The following TMEM131L variants were observed in gnomAD, a reference collection of about 807,000 sequenced individuals.
TMEM131L encodes transmembrane protein 131-like.
Under a neutral mutation model 192.2 loss-of-function variants are expected in TMEM131L, and 54 were observed. That is an observed-to-expected ratio of 0.28 (90% CI 0.23 to 0.35). The LOEUF is 0.35. TMEM131L is among the 10% of genes least tolerant of loss of function. The pLI is 1.00. For synonymous variants in TMEM131L, 701 were observed against 704.9 expected (o/e 0.99, Z 0.09); for missense variants, 1,888 against 1,972.9 (o/e 0.96, Z 0.82).
rs376598929 is a variant in TMEM131L at position 153,596,258 on chromosome 4, G to A, written c.1996G>A (p.Gly666Ser). ...CATGGTTTAATTTGTTAATTTGCAG[G>A]GTACGCATTCTGAGGAATCCAGGTT... is the stretch of plus-strand genomic sequence containing the variant. ...FQLTEACPYLGTHSEESRFGI... is the reference protein window; with the variant it reads ...FQLTEACPYLSTHSEESRFGI... The change falls in exon 20 of 35, where the codon GGT (glycine) becomes AGT (serine). Residue 666 changes from glycine to serine, a missense_variant and splice_region_variant. Gly to Ser is a moderately conservative substitution (Grantham distance 56). Coordinates refer to ENST00000409959, the MANE Select transcript of TMEM131L (RefSeq NM_001131007.2). 60 of 1,613,538 alleles carry A rather than the reference G, an allele frequency of 3.7e-5. No homozygotes were observed. In the African/African-American group the frequency reaches 6.4e-4, roughly 17 times the overall value.
intron 15 of TMEM131L, among the ~76,000 whole-genome samples, chr4:153,588,337 G>GTTTT (rs35057989): frequency 5.7e-5 from 7 of 122,638 alleles, no homozygotes; most frequent in African/African-American, 2.2e-4. Flanking sequence ...TTAAAGTATA[G>GTTTT]TTTTTTTTTT....
intron 3 of TMEM131L, among the ~76,000 whole-genome samples, chr4:153,548,411 T>C (rs1002952956): frequency 2.0e-5 from 3 of 152,168 alleles, no homozygotes; most frequent in Admixed American, 1.3e-4. Flanking sequence ...TTCATGCTAT[T>C]CTCCTGCCTC....
intron 2 of TMEM131L, among the ~76,000 whole-genome samples, chr4:153,471,769 T>A (rs1731177550): frequency 6.6e-6 from 1 of 152,210 alleles, no homozygotes; most frequent in African/African-American, 2.4e-5. Flanking sequence ...AGTGCTCCAC[T>A]GCCGTTACTT....
intron 3 of TMEM131L, among the ~76,000 whole-genome samples, chr4:153,485,943 A>C (rs1162263335): frequency 6.6e-6 from 1 of 152,204 alleles, no homozygotes; most frequent in Non-Finnish European, 1.5e-5. Flanking sequence ...AATTTGTTGA[A>C]GGTTATAGAG....
intron 3 of TMEM131L, among the ~76,000 whole-genome samples, chr4:153,522,765 T>A (rs899276539): frequency 2.0e-5 from 3 of 152,244 alleles, no homozygotes; most frequent in Non-Finnish European, 4.4e-5. Flanking sequence ...TATCTCATCG[T>A]GTGCCACAGC....
In TMEM131L at chr4:153,584,777, C is replaced by T. The variant is rs893653160; in HGVS notation, c.1061-58C>T. ...ATAAATAAGACATATATCTTTTGTT[C>T]AGGCTTAATGAAAGAAAAGGTACTT... On this transcript the variant is annotated intron_variant, in intron 11 of 34. Transcript: ENST00000409959. 3.4e-6 allele frequency: 4 copies of T among 1,193,628 alleles called. No individual in the cohort carries two copies. In the African/African-American group the frequency reaches 4.6e-5, roughly 14 times the overall value. 73.9% of individuals were successfully genotyped at this position (1,193,628 alleles called of 1,614,324 possible). A position where few individuals can be genotyped will look rare whatever the true frequency, so the allele number is the denominator to read the frequency against.
rs1310211096 is a variant in TMEM131L, at chr4:153,555,321, A to G, written c.309-466A>G. On this transcript the variant is annotated intron_variant, in intron 4 of 34. Transcript: ENST00000409959. The surrounding 1 kb of genome is among the most constrained non-coding windows in gnomAD (Gnocchi z 4.1). ...AGAAAAATTGGGTTTTTCTGTGAGT[A>G]CAGTTTCTTACCTAAACATATTTTC... is the stretch of plus-strand genomic sequence containing the variant. 1.3e-5 allele frequency among the ~76,000 whole-genome samples: 2 copies of G among 152,232 alleles called. No homozygotes were observed. The highest frequency in any genetic ancestry group is 2.4e-5 in the African/African-American group (1 of 41,468).
chr4:153,619,255 G>A (rs1400304069), intron 26 of TMEM131L, among the ~76,000 whole-genome samples: 2 of 152,166 alleles, frequency 1.3e-5, no homozygotes, highest in African/African-American at 2.4e-5. Flanking sequence ...AGTACTTGCT[G>A]TGTCGACAAG....
chr4:153,480,032 C>T (rs1283096678), intron 3 of TMEM131L, among the ~76,000 whole-genome samples: 1 of 152,186 alleles, frequency 6.6e-6, no homozygotes, highest in Non-Finnish European at 1.5e-5. Flanking sequence ...TAGTGAAACA[C>T]CGTCTCTACT....
chr4:153,635,637 A>G, intron 34 of TMEM131L, 66 bp downstream of exon 34: 1 of 1,571,632 alleles, frequency 6.4e-7, no homozygotes, highest in South Asian at 1.1e-5. Flanking sequence ...CTGCTTCCTT[A>G]ATCCTGGTCT....
chr4:153,556,940 T>C, intron 5 of TMEM131L, 26 bp from the exon 6 acceptor site: 1 of 1,106,216 alleles, frequency 9.0e-7, no homozygotes. Context: ...CCATTCCAAG[T>C]GGCTGACTGG....
intron 3 of TMEM131L, among the ~76,000 whole-genome samples, chr4:153,507,327 T>G (rs1279498753): frequency 6.6e-6 from 1 of 152,212 alleles, no homozygotes; most frequent in Non-Finnish European, 1.5e-5. Flanking sequence ...AAGGACTAAC[T>G]GCTAGAGGCT....
chr4:153,495,168 A>G (rs886369678), intron 3 of TMEM131L, among the ~76,000 whole-genome samples: 1 of 152,122 alleles, frequency 6.6e-6, no homozygotes, highest in African/African-American at 2.4e-5. Context: ...TACAAAAATT[A>G]GCCGGGCGTG....
At chr4:153,632,969 C>T (rs1164285299) in intron 32 of TMEM131L, 131 bp downstream of exon 32, 4 of 1,005,368 alleles carry the variant, frequency 4.0e-6, no homozygotes, top group East Asian at 5.3e-5. Context: ...TTTAGCTGTG[C>T]GTTTCCTTCT....
chr4:153,536,678 T>TC, intron 3 of TMEM131L, among the ~76,000 whole-genome samples: 1 of 152,272 alleles, frequency 6.6e-6, no homozygotes, highest in South Asian at 2.1e-4. Context: ...AATCGATCGA[T>TC]CTATCTAGCT....
intron 3 of TMEM131L, among the ~76,000 whole-genome samples, chr4:153,527,437 T>C (rs536453075): frequency 6.6e-6 from 1 of 152,208 alleles, no homozygotes; most frequent in Non-Finnish European, 1.5e-5. Flanking sequence ...CATGCCCGGC[T>C]AAGTTTTTGT....
chr4:153,581,136 C>T (rs1185556837), intron 8 of TMEM131L, among the ~76,000 whole-genome samples: 1 of 152,176 alleles, frequency 6.6e-6, no homozygotes, highest in East Asian at 1.9e-4. Flanking sequence ...TGCCCGTAGT[C>T]CCAGCTACTT....
At chr4:153,547,947 G>C (rs575518173) in intron 3 of TMEM131L, among the ~76,000 whole-genome samples, 5 of 152,170 alleles carry the variant, frequency 3.3e-5, no homozygotes, top group African/African-American at 7.2e-5. Flanking sequence ...GAAGAAGACT[G>C]TCATTAATTG....
At chr4:153,535,811 A>G (rs535817212) in intron 3 of TMEM131L, among the ~76,000 whole-genome samples, 5 of 152,244 alleles carry the variant, frequency 3.3e-5, no homozygotes, top group African/African-American at 9.6e-5. Flanking sequence ...GTTGCTGTTA[A>G]TATTTTGGTA....
Sources: gnomAD v4.1 joint callset for allele counts (sites outside exome capture counted in the v4.1 genomes callset) on GRCh38, gnomAD v4.1.1 for gene constraint, Gnocchi (gnomAD v3.1) non-coding constraint, MANE v1.5 for transcripts, NCBI Gene and HGNC (gene_info 2026-07-23, HGNC 2026-07-21) for gene names.